The following DOCK3 variants were observed in gnomAD, a reference collection of about 807,000 sequenced individuals.
DOCK3 encodes dedicator of cytokinesis 3.
DOCK3 carries 60 observed loss-of-function variants against 265.6 expected under a neutral mutation model. That is an observed-to-expected ratio of 0.23 (90% CI 0.18 to 0.28). DOCK3 has a LOEUF of 0.28. DOCK3 is among the 10% of genes least tolerant of loss of function. The pLI is 1.00. For missense variants in DOCK3, 1,981 were observed against 2,594.3 expected, an observed-to-expected ratio of 0.76 and a Z score of 5.14; for synonymous variants, 881 against 938.0, an observed-to-expected ratio of 0.94 and a Z score of 1.11.
At chr3:51,182,737 A>G (rs1004845091) in intron 12 of DOCK3, among the ~76,000 whole-genome samples, 3 of 152,216 alleles carry the variant, frequency 2.0e-5, no homozygotes, top group Admixed American at 6.5e-5. Context: ...ATGTTAAGCT[A>G]TAGTGAAGAT....
intron 12 of DOCK3, among the ~76,000 whole-genome samples, chr3:51,175,482 G>A (rs1042720516): frequency 6.6e-6 from 1 of 152,156 alleles, no homozygotes; most frequent in African/African-American, 2.4e-5. Context: ...TCCTGAGTGG[G>A]CAGAACTATG....
chr3:50,952,185 A>G (rs761699829), intron 5 of DOCK3, among the ~76,000 whole-genome samples: 1 of 152,180 alleles, frequency 6.6e-6, no homozygotes, highest in Admixed American at 6.5e-5. Flanking sequence ...CTAAATCTGA[A>G]TTATGACAGC....
intron 1 of DOCK3, among the ~76,000 whole-genome samples, chr3:50,742,422 A>G (rs1019357350): frequency 2.0e-5 from 3 of 151,730 alleles, no homozygotes; most frequent in African/African-American, 7.2e-5. Context: ...AATTCAAACC[A>G]AAGGCAAAGA....
chr3:50,893,853 C>G (rs1375452075), intron 4 of DOCK3, among the ~76,000 whole-genome samples: 2 of 151,704 alleles, frequency 1.3e-5, no homozygotes, highest in Non-Finnish European at 2.9e-5. Flanking sequence ...AGCCATCATT[C>G]TCAGCACAGT....
chr3:51,145,763 A>G (rs1056024186), intron 9 of DOCK3, among the ~76,000 whole-genome samples: 12 of 152,136 alleles, frequency 7.9e-5, no homozygotes, highest in African/African-American at 2.7e-4. Flanking sequence ...GCACTCCCCA[A>G]TGTTTTTGGC....
intron 2 of DOCK3, among the ~76,000 whole-genome samples, chr3:50,810,282 G>A (rs1301426986): frequency 6.6e-6 from 1 of 152,102 alleles, no homozygotes; most frequent in African/African-American, 2.4e-5. Context: ...GGGGTGCGGT[G>A]GCTTATGCCT....
intron 27 of DOCK3, among the ~76,000 whole-genome samples, chr3:51,293,578 C>T (rs1177616646): frequency 1.3e-5 from 2 of 151,964 alleles, no homozygotes; most frequent in African/African-American, 2.4e-5. Context: ...GATATGATCC[C>T]TAAAGCACTG....
At chr3:51,194,587 A>G (rs1030731169) in intron 12 of DOCK3, among the ~76,000 whole-genome samples, 5 of 152,190 alleles carry the variant, frequency 3.3e-5, no homozygotes, top group Middle Eastern at 3.4e-3. Context: ...AGGTGTTCCA[A>G]TGTTGGTTAC....
intron 5 of DOCK3, among the ~76,000 whole-genome samples, chr3:50,970,950 G>A (rs1167087371): frequency 1.3e-4 from 4 of 30,966 alleles, no homozygotes; most frequent in African/African-American, 4.0e-4. Context: ...TATATATAAT[G>A]TGTGTGTGTG....
At chr3:50,697,446 C>G (rs917209750) in intron 1 of DOCK3, among the ~76,000 whole-genome samples, 1 of 152,038 alleles carries the variant, frequency 6.6e-6, no homozygotes, top group African/African-American at 2.4e-5. Context: ...AAAAAATTAG[C>G]TGGGTGTGGT....
chr3:51,280,333 G>A (rs2081046537), intron 27 of DOCK3, 129 bp downstream of exon 27: 1 of 847,722 alleles, frequency 1.2e-6, no homozygotes, highest in African/African-American at 1.7e-5. Context: ...CACCAGCCCT[G>A]CTTTACAGCT....
intron 4 of DOCK3, among the ~76,000 whole-genome samples, chr3:50,908,838 G>T (rs1400136842): frequency 6.6e-6 from 1 of 152,044 alleles, no homozygotes. Context: ...CTATTATTTT[G>T]TGGGAGTCTA....
intron 2 of DOCK3, chr3:50,786,764 C>G (rs1034620156): frequency 6.8e-6 from 5 of 737,652 alleles, no homozygotes; most frequent in Admixed American, 1.7e-5. Flanking sequence ...GAAATCCTTG[C>G]CACACCACTG....
In DOCK3 at chr3:51,237,516, C is replaced by T. The variant is rs200554524; in HGVS notation, c.2028C>T (p.Asp676=). 252 of 1,613,316 alleles carry T rather than the reference C, an allele frequency of 1.6e-4. 1 individual carries two copies. In the African/African-American group the frequency reaches 3.0e-3, roughly 19 times the overall value. ...SLVFIINLLR[D]IKYFHFRPVM... is the part of the protein sequence containing the mutation. ...TGTTCATCATCAACCTGCTCCGAGA[C>T]ATCAAGTATTTTCACTTTCGACCTG... Residue 676 remains aspartate (D), a synonymous_variant, in exon 21 of 53, where the codon GAC becomes GAT. Coordinates refer to ENST00000266037, the MANE Select transcript of DOCK3 (RefSeq NM_004947.5).
At chr3:51,069,412 A>AG (rs1178790331) in intron 6 of DOCK3, among the ~76,000 whole-genome samples, 2 of 152,126 alleles carry the variant, frequency 1.3e-5, no homozygotes, top group African/African-American at 4.8e-5. Flanking sequence ...TACAGTAGCT[A>AG]GCTAGGTTAA....
intron 49 of DOCK3, among the ~76,000 whole-genome samples, chr3:51,373,755 A>G (rs1164791691): frequency 6.6e-6 from 1 of 152,094 alleles, no homozygotes; most frequent in African/African-American, 2.4e-5. Flanking sequence ...CATAATTTCC[A>G]CATTAGTTCC....
At chr3:51,144,422 C>A (rs2085202778) in intron 9 of DOCK3, among the ~76,000 whole-genome samples, 1 of 152,204 alleles carries the variant, frequency 6.6e-6, no homozygotes, top group Non-Finnish European at 1.5e-5. Context: ...CCTCCCTCCT[C>A]TTTCAGACAC....
intron 12 of DOCK3, among the ~76,000 whole-genome samples, chr3:51,172,963 T>C (rs1431155180): frequency 2.0e-5 from 3 of 152,226 alleles, no homozygotes; most frequent in Non-Finnish European, 2.9e-5. Flanking sequence ...TGTCACTGTT[T>C]ACATATTTAC....
At chr3:50,715,547 C>T (rs935726881) in intron 1 of DOCK3, among the ~76,000 whole-genome samples, 11 of 151,774 alleles carry the variant, frequency 7.2e-5, no homozygotes, top group South Asian at 2.1e-4. Context: ...CAAGACGCTG[C>T]CTCAGAAAAA....
Sources: gnomAD v4.1 joint callset for allele counts (sites outside exome capture counted in the v4.1 genomes callset) on GRCh38, gnomAD v4.1.1 for gene constraint, MANE v1.5 for transcripts, NCBI Gene and HGNC (gene_info 2026-07-23, HGNC 2026-07-21) for gene names.